The following AGBL4 variants were observed in gnomAD, a reference collection of about 807,000 sequenced individuals.
AGBL4 encodes the protein cytosolic carboxypeptidase 6.
Under a neutral mutation model 66.4 loss-of-function variants are expected in AGBL4, and 58 were observed. That is an observed-to-expected ratio of 0.87 (90% CI 0.71 to 1.09). The LOEUF is 1.09. Among genes scored for constraint, AGBL4 ranks in the 50% least tolerant of loss-of-function variants. The pLI, the probability that AGBL4 is intolerant of heterozygous loss-of-function variation, is 0.00. For missense variants in AGBL4, 579 were observed against 631.0 expected (o/e 0.92, Z 0.88); for synonymous variants, 234 against 222.9 (o/e 1.05, Z -0.44).
At chr1:49,256,827 T>C (rs769682675) in intron 3 of AGBL4, among the ~76,000 whole-genome samples, 1 of 152,196 alleles carries the variant, frequency 6.6e-6, no homozygotes, top group African/African-American at 2.4e-5. Context: ...AGCCTGGGAA[T>C]AGACGCAATA....
chr1:49,232,820 T>C (rs1028471107), intron 4 of AGBL4, among the ~76,000 whole-genome samples: 3 of 151,764 alleles, frequency 2.0e-5, no homozygotes, highest in Admixed American at 6.6e-5. Context: ...TAGTTTTAAA[T>C]ATTTTGCAGA....
chr1:48,728,629 A>G (rs1570374560), intron 6 of AGBL4, among the ~76,000 whole-genome samples: 1 of 152,154 alleles, frequency 6.6e-6, no homozygotes, highest in Non-Finnish European at 1.5e-5. Context: ...GTCAATGGAT[A>G]CTTGGTTTTG....
intron 6 of AGBL4, chr1:48,776,576 C>G: frequency 1.8e-6 from 2 of 1,122,920 alleles, no homozygotes; most frequent in Non-Finnish European, 2.3e-6. Context: ...CCGCCCGGGT[C>G]CCACCGTCCC....
intron 3 of AGBL4, among the ~76,000 whole-genome samples, chr1:49,555,294 G>C (rs908951971): frequency 2.0e-5 from 3 of 148,790 alleles, no homozygotes; most frequent in Admixed American, 6.7e-5. Context: ...GTCCCCACTA[G>C]ATTAGCTAGA....
intron 6 of AGBL4, among the ~76,000 whole-genome samples, chr1:48,704,575 C>CTTAG: frequency 6.6e-6 from 1 of 152,054 alleles, no homozygotes; most frequent in East Asian, 1.9e-4. Context: ...TTTTTTTACT[C>CTTAG]TTTAAACATT....
intron 4 of AGBL4, among the ~76,000 whole-genome samples, chr1:49,119,311 T>C (rs897354291): frequency 6.6e-6 from 1 of 152,228 alleles, no homozygotes; most frequent in Non-Finnish European, 1.5e-5. Context: ...TTTAGATCTT[T>C]TCTGCCTTCT....
chr1:49,171,538 T>C (rs1327006502), intron 4 of AGBL4, among the ~76,000 whole-genome samples: 1 of 151,868 alleles, frequency 6.6e-6, no homozygotes, highest in Admixed American at 6.6e-5. Flanking sequence ...TGGAAACGAG[T>C]GATGTAGGAG....
intron 3 of AGBL4, among the ~76,000 whole-genome samples, chr1:49,412,840 C>T (rs536473362): frequency 1.4e-4 from 21 of 151,774 alleles, no homozygotes; most frequent in African/African-American, 4.6e-4. Context: ...GAAAAGGAGA[C>T]TAAGAGGAAG....
intron 1 of AGBL4, among the ~76,000 whole-genome samples, chr1:49,967,315 A>G (rs931101790): frequency 2.0e-5 from 3 of 152,198 alleles, no homozygotes; most frequent in African/African-American, 7.2e-5. Context: ...CATATACACC[A>G]TGGAATACTA....
rs553351190 is a variant in AGBL4 at position 49,540,197 on chromosome 1, TTC to T, written c.282+157114_282+157115del. Among the ~76,000 whole-genome samples, 161 of 152,368 alleles carry T rather than the reference TTC, an allele frequency of 1.1e-3. 1 individual carries two copies. The highest frequency in any genetic ancestry group is 2.4e-3 in the Admixed American group (36 of 15,304). The stretch of plus-strand genomic sequence containing the variant: ...GGTGTCAATTTACCTTTCCAGATTA[TTC>T]TCTCTTTACTCTCCCCATAAACTTT... On this transcript the variant is annotated intron_variant, in intron 3 of 13. Transcript: ENST00000371839.
chr1:49,388,454 C>A (rs556690967), intron 3 of AGBL4, among the ~76,000 whole-genome samples: 5 of 152,232 alleles, frequency 3.3e-5, no homozygotes, highest in Admixed American at 3.3e-4. Flanking sequence ...AATAGTTCAT[C>A]TTCTCAGCAA....
intron 6 of AGBL4, among the ~76,000 whole-genome samples, chr1:48,726,359 C>T (rs1282717408): frequency 1.3e-5 from 2 of 152,028 alleles, no homozygotes; most frequent in African/African-American, 4.8e-5. Context: ...AGTTTTTTTC[C>T]AGCATCTCAC....
intron 1 of AGBL4, among the ~76,000 whole-genome samples, chr1:49,893,957 T>A (rs1280470888): frequency 6.6e-6 from 1 of 152,116 alleles, no homozygotes; most frequent in Non-Finnish European, 1.5e-5. Flanking sequence ...CTCAGCACAC[T>A]CCCAGTGGTA....
At chr1:48,986,391 A>T (rs1344392660) in intron 5 of AGBL4, among the ~76,000 whole-genome samples, 1 of 152,084 alleles carries the variant, frequency 6.6e-6, no homozygotes, top group Non-Finnish European at 1.5e-5. Context: ...AAAGTCAGTA[A>T]TAAAGAGGAA....
At chr1:48,724,681 C>T (rs1647203739) in intron 6 of AGBL4, among the ~76,000 whole-genome samples, 1 of 152,110 alleles carries the variant, frequency 6.6e-6, no homozygotes, top group East Asian at 1.9e-4. Context: ...GGGGTATTTC[C>T]TATTTTTGGC....
intron 3 of AGBL4, among the ~76,000 whole-genome samples, chr1:49,574,137 C>A (rs1239703286): frequency 6.6e-6 from 1 of 152,108 alleles, no homozygotes; most frequent in Non-Finnish European, 1.5e-5. Context: ...AGAGTGTGAA[C>A]AATGATGAGG....
At chr1:49,569,642 A>C (rs989580854) in intron 3 of AGBL4, among the ~76,000 whole-genome samples, 1 of 152,158 alleles carries the variant, frequency 6.6e-6, no homozygotes, top group Non-Finnish European at 1.5e-5. Flanking sequence ...ACACCCATAG[A>C]TTGCATATGG....
At chr1:49,850,320 A>C (rs1043028229) in intron 2 of AGBL4, among the ~76,000 whole-genome samples, 1 of 152,278 alleles carries the variant, frequency 6.6e-6, no homozygotes, top group Non-Finnish European at 1.5e-5. Context: ...ACCTGTAGGA[A>C]GCTAGGGGGA....
chr1:48,879,285 G>C (rs1649526873), intron 5 of AGBL4, among the ~76,000 whole-genome samples: 1 of 152,010 alleles, frequency 6.6e-6, no homozygotes, highest in South Asian at 2.1e-4. Context: ...GTGTGTGTGT[G>C]TGTGTGTGCA....
Sources: gnomAD v4.1 joint callset for allele counts (sites outside exome capture counted in the v4.1 genomes callset) on GRCh38, gnomAD v4.1.1 for gene constraint, MANE v1.5 for transcripts, NCBI Gene and HGNC (gene_info 2026-07-23, HGNC 2026-07-21) for gene names.